KCNB2: variants seen among roughly 807,000 people sequenced by gnomAD.
KCNB2 encodes delayed rectifier potassium channel protein.
In KCNB2, 15 loss-of-function variants were observed where a neutral mutation model predicts 61.5. The observed-to-expected ratio is 0.24, with a 90% CI of 0.16 to 0.38. KCNB2 has a LOEUF of 0.38. KCNB2 is among the 10% of genes least tolerant of loss of function. The pLI is 1.00. For synonymous variants in KCNB2, 457 were observed against 446.0 expected, an observed-to-expected ratio of 1.02 and a Z score of -0.31; for missense variants, 828 against 1,125.2, an observed-to-expected ratio of 0.74 and a Z score of 3.78.
At chr8:72,783,210 A>T (rs747666163) in intron 2 of KCNB2, among the ~76,000 whole-genome samples, 37 of 152,148 alleles carry the variant, frequency 2.4e-4, no homozygotes, top group Non-Finnish European at 4.4e-4. Flanking sequence ...TCCAACTTCT[A>T]CTTTCAACCC....
intron 2 of KCNB2, among the ~76,000 whole-genome samples, chr8:72,609,887 G>A (rs1311889869): frequency 2.6e-5 from 4 of 152,128 alleles, no homozygotes; most frequent in South Asian, 4.1e-4. Flanking sequence ...ACGTCGTTAC[G>A]TTGAAGTCCA....
chr8:72,859,706 C>CTTTTT (rs1810264452), intron 2 of KCNB2, among the ~76,000 whole-genome samples: 1,538 of 73,454 alleles, frequency 0.021, 501 homozygotes, highest in African/African-American at 0.057. Context: ...TACTTCATTT[C>CTTTTT]GTTTTTTTTT....
At chr8:72,740,314 G>T (rs1451733423) in intron 2 of KCNB2, among the ~76,000 whole-genome samples, 1 of 152,126 alleles carries the variant, frequency 6.6e-6, no homozygotes, top group Non-Finnish European at 1.5e-5. Flanking sequence ...AAGATTTATG[G>T]CTAGGGGATA....
At chr8:72,758,564 G>C (rs1808329494) in intron 2 of KCNB2, among the ~76,000 whole-genome samples, 1 of 152,188 alleles carries the variant, frequency 6.6e-6, no homozygotes, top group Non-Finnish European at 1.5e-5. Flanking sequence ...TTTTCTGAGA[G>C]TAAAATCTCC....
intron 2 of KCNB2, among the ~76,000 whole-genome samples, chr8:72,683,200 A>G (rs1806791860): frequency 6.6e-6 from 1 of 152,222 alleles, no homozygotes; most frequent in Non-Finnish European, 1.5e-5. Context: ...ACAAGTAGCT[A>G]TCACCATTGA....
In KCNB2 at chr8:72,722,227, A is replaced by G. The variant is rs773297768; in HGVS notation, c.579+153914A>G. Among the ~76,000 whole-genome samples, 114 of 152,290 alleles carry G rather than the reference A, an allele frequency of 7.5e-4. 1 individual carries two copies. In the Middle Eastern group the frequency reaches 0.01, roughly 14 times the overall value. Reference sequence around the variant, plus strand: ...CACCTCCTCACCAACCTTCCTGCACATTCTCTGGCCCCCCTTCCAGTCTGT... The same window carrying G: ...CACCTCCTCACCAACCTTCCTGCACGTTCTCTGGCCCCCCTTCCAGTCTGT... On this transcript the variant is annotated intron_variant, in intron 2 of 2. Coordinates refer to ENST00000523207, the MANE Select transcript of KCNB2 (RefSeq NM_004770.3).
intron 2 of KCNB2, among the ~76,000 whole-genome samples, chr8:72,809,951 A>G (rs1384460332): frequency 1.3e-5 from 2 of 152,094 alleles, no homozygotes; most frequent in East Asian, 3.9e-4. Flanking sequence ...TAATTACCTC[A>G]CACTTCTACA....
intron 2 of KCNB2, among the ~76,000 whole-genome samples, chr8:72,595,421 G>A (rs1353138886): frequency 6.6e-6 from 1 of 151,088 alleles, no homozygotes; most frequent in Admixed American, 6.6e-5. Flanking sequence ...TGCCTCCCAG[G>A]TTTAAGCGAT....
chr8:72,911,100 G>A (rs1344829485), intron 2 of KCNB2, among the ~76,000 whole-genome samples: 1 of 152,180 alleles, frequency 6.6e-6, no homozygotes, highest in African/African-American at 2.4e-5. Flanking sequence ...GCAATTTTCT[G>A]CATTGCATGT....
In KCNB2 at chr8:72,936,935, C is replaced by G. The variant is rs1427766547; in HGVS notation, c.1580C>G (p.Thr527Arg). 6.2e-7 allele frequency: 1 copy of G among 1,614,172 alleles called. No individual in the cohort carries two copies. The highest frequency in any genetic ancestry group is 8.5e-7 in the Non-Finnish European group (1 of 1,180,022). The change falls in exon 3 of 3, where the codon ACG becomes AGG. Residue 527 changes from threonine (T) to arginine (R), a missense_variant. Physicochemically the swap from Thr to Arg is moderately conservative, Grantham distance 71. This residue lies in a region of KCNB2 where 559 missense variants were observed against 588.4 expected (regional missense o/e 0.95). Transcript: ENST00000523207. The surrounding 1 kb of genome is among the most constrained non-coding windows in gnomAD (Gnocchi z 5.6). The stretch of plus-strand genomic sequence containing the variant: ...GACTCCCACGAGCAGCTGAACAACA[C>G]GTCTTCCTCCAGCCCACAGCATCTG... ...QKDSHEQLNN[T>R]SSSSPQHLSA...
At chr8:72,758,166 C>T (rs1808320753) in intron 2 of KCNB2, among the ~76,000 whole-genome samples, 1 of 152,130 alleles carries the variant, frequency 6.6e-6, no homozygotes, top group Non-Finnish European at 1.5e-5. Context: ...AAGGAGACTG[C>T]AGGAGAAAGG....
intron 2 of KCNB2, among the ~76,000 whole-genome samples, chr8:72,761,447 C>G (rs986445942): frequency 6.6e-6 from 1 of 152,188 alleles, no homozygotes; most frequent in Non-Finnish European, 1.5e-5. Context: ...AAACCCAGCT[C>G]TTTCTCTCTT....
chr8:72,787,835 T>C (rs1423249735), intron 2 of KCNB2, among the ~76,000 whole-genome samples: 1 of 152,178 alleles, frequency 6.6e-6, no homozygotes, highest in African/African-American at 2.4e-5. Flanking sequence ...TTACTGATTT[T>C]CTCACTTTAA....
chr8:72,794,660 A>C (rs1357762418), intron 2 of KCNB2, among the ~76,000 whole-genome samples: 1 of 152,128 alleles, frequency 6.6e-6, no homozygotes. Flanking sequence ...AGGTGACTAA[A>C]ATATACATAT....
intron 2 of KCNB2, among the ~76,000 whole-genome samples, chr8:72,842,882 A>C (rs1809917048): frequency 6.6e-6 from 1 of 152,104 alleles, no homozygotes; most frequent in South Asian, 2.1e-4. Context: ...TTTTCAGAAA[A>C]ACAGCTCCTG....
intron 1 of KCNB2, among the ~76,000 whole-genome samples, chr8:72,546,538 G>A (rs1806261288): frequency 6.6e-6 from 1 of 151,158 alleles, no homozygotes; most frequent in African/African-American, 2.4e-5. Flanking sequence ...AAAAGTGCAA[G>A]GTGAAGAAAC....
chr8:72,916,119 T>C (rs1429990421), intron 2 of KCNB2, among the ~76,000 whole-genome samples: 1 of 152,186 alleles, frequency 6.6e-6, no homozygotes, highest in Non-Finnish European at 1.5e-5. Flanking sequence ...ATGGAGTGGA[T>C]CCAGGAGATC....
chr8:72,578,259 T>C (rs975720270), intron 2 of KCNB2, among the ~76,000 whole-genome samples: 1 of 152,078 alleles, frequency 6.6e-6, no homozygotes, highest in African/African-American at 2.4e-5. Flanking sequence ...TTTCAGTGCA[T>C]TTTTTAGTTT....
At chr8:72,697,013 G>A (rs1395738906) in intron 2 of KCNB2, among the ~76,000 whole-genome samples, 3 of 152,034 alleles carry the variant, frequency 2.0e-5, no homozygotes, top group African/African-American at 2.4e-5. Flanking sequence ...AAAAAGTATC[G>A]ATCACAGCAA....
Sources: allele counts gnomAD v4.1 joint callset (sites outside exome capture counted in the v4.1 genomes callset), GRCh38; gene constraint gnomAD v4.1.1; regional missense constraint gnomAD v4.1.1; non-coding constraint Gnocchi (gnomAD v3.1); transcripts MANE v1.5; gene names NCBI Gene and HGNC (gene_info 2026-07-23, HGNC 2026-07-21).